The following TRHDE variants were observed in gnomAD, a reference collection of about 807,000 sequenced individuals.
TRHDE encodes thyrotropin-releasing hormone-degrading ectoenzyme.
TRHDE carries 72 observed loss-of-function variants against 125.7 expected under a neutral mutation model. The ratio of observed to expected loss-of-function variants is 0.57; its 90% CI spans 0.47 to 0.70. TRHDE has a LOEUF of 0.70. TRHDE is among the 30% of genes least tolerant of loss of function. The pLI, the probability that TRHDE is intolerant of heterozygous loss-of-function variation, is 0.00. For synonymous variants in TRHDE, 509 were observed against 509.1 expected (o/e 1.00, Z 0.00); for missense variants, 1,110 against 1,327.1 (o/e 0.84, Z 2.54).
At chr12:72,327,677 T>A (rs1300925000) in intron 2 of TRHDE, among the ~76,000 whole-genome samples, 1 of 152,144 alleles carries the variant, frequency 6.6e-6, no homozygotes, top group Non-Finnish European at 1.5e-5. Flanking sequence ...AGACGAACAC[T>A]TTTTTTCATT....
At chr12:72,580,073 A>C (rs979090499) in intron 12 of TRHDE, among the ~76,000 whole-genome samples, 1 of 152,194 alleles carries the variant, frequency 6.6e-6, no homozygotes, top group African/African-American at 2.4e-5. Flanking sequence ...GACAAACTCT[A>C]CTAAAAAATC....
At chr12:72,393,328 T>C (rs890145603) in intron 3 of TRHDE, among the ~76,000 whole-genome samples, 1 of 152,208 alleles carries the variant, frequency 6.6e-6, no homozygotes, top group Admixed American at 6.5e-5. Context: ...ATATTATTGA[T>C]AGAATGCTGG....
chr12:72,093,771 G>A (rs1473837053), intron 1 of TRHDE, among the ~76,000 whole-genome samples: 2 of 152,128 alleles, frequency 1.3e-5, no homozygotes, highest in Non-Finnish European at 2.9e-5. Context: ...CTTGCGTCTT[G>A]TTGAGCTTCT....
At chr12:72,585,417 C>A (rs1871397911) in intron 12 of TRHDE, among the ~76,000 whole-genome samples, 2 of 152,164 alleles carry the variant, frequency 1.3e-5, no homozygotes. Context: ...CCTACATTCA[C>A]AACACGTACT....
At chr12:72,176,965 T>C (rs890955141) in intron 2 of TRHDE, among the ~76,000 whole-genome samples, 2 of 152,136 alleles carry the variant, frequency 1.3e-5, no homozygotes, top group South Asian at 2.1e-4. Flanking sequence ...TGTTTTTTTT[T>C]CCCATTGGTA....
intron 5 of TRHDE, among the ~76,000 whole-genome samples, chr12:72,498,520 T>G (rs1395311286): frequency 6.6e-6 from 1 of 152,174 alleles, no homozygotes; most frequent in East Asian, 1.9e-4. Context: ...AGGTCACAAC[T>G]ATCTAGGGGC....
In TRHDE at chr12:72,666,580, G is replaced by C. The variant is rs1158453300; in HGVS notation, c.*3385G>C. ...ATAAAATAAAATCACAATGTTTGTT[G>C]TTATTTTGGGAACCAATATAACAAC... is the stretch of plus-strand genomic sequence containing the variant. On this transcript the variant is annotated 3_prime_UTR_variant, in exon 19 of 19. Transcript: ENST00000261180. 1 of 151,922 alleles carries C rather than the reference G, an allele frequency of 6.6e-6. No homozygotes were observed. The highest frequency in any genetic ancestry group is 2.4e-5 in the African/African-American group (1 of 41,402). 9.4% of individuals were successfully genotyped at this position (151,922 alleles called of 1,614,324 possible). A position where few individuals can be genotyped will look rare whatever the true frequency, so the allele number is the denominator to read the frequency against.
At chr12:72,136,285 C>A (rs2139311274) in intron 2 of TRHDE, among the ~76,000 whole-genome samples, 1 of 152,204 alleles carries the variant, frequency 6.6e-6, no homozygotes, top group Non-Finnish European at 1.5e-5. Context: ...AGCATAACAG[C>A]CTCTGAATTG....
chr12:72,166,666 CTAGGACTGGATGGGAAGTTTCA>C (rs1276479951), intron 2 of TRHDE, among the ~76,000 whole-genome samples: 2 of 152,100 alleles, frequency 1.3e-5, no homozygotes, highest in African/African-American at 2.4e-5. Context: ...TAACCCACAC[CTAGGACTGGATGGGAAGTTTCA>C]TATGACCTGA....
intron 3 of TRHDE, among the ~76,000 whole-genome samples, chr12:72,448,411 T>G (rs1400298364): frequency 6.6e-6 from 1 of 152,058 alleles, no homozygotes; most frequent in Non-Finnish European, 1.5e-5. Flanking sequence ...CAAATTTACT[T>G]CAACTGAAAA....
intron 5 of TRHDE, among the ~76,000 whole-genome samples, chr12:72,487,288 A>G (rs1877459644): frequency 6.6e-6 from 1 of 152,172 alleles, no homozygotes; most frequent in Non-Finnish European, 1.5e-5. Context: ...GTAGTCCCCA[A>G]ACAGTCGCCA....
Position 72,562,896 on chromosome 12 carries a change from T to C in TRHDE, c.1898T>C (p.Met633Thr). The C allele has an allele frequency of 6.3e-7, 1 of 1,597,046 alleles. No individual in the cohort carries two copies. The highest frequency in any genetic ancestry group is 8.5e-7 in the Non-Finnish European group (1 of 1,175,134). Residue 633 changes from methionine to threonine, a missense_variant, in exon 9 of 19, where the codon ATG becomes ACG. Met to Thr is a moderately conservative substitution (Grantham distance 81). Around this residue, in one of 5 missense-constraint regions of TRHDE, gnomAD observed 527 missense variants for 651.8 expected, o/e 0.81. Coordinates refer to ENST00000261180, the MANE Select transcript of TRHDE (RefSeq NM_013381.3). ...NGKYVNIQEV[M>T]DQWTLQMGYP... ...AAATATGTAAATATACAAGAAGTAA[T>C]GGATCAGTGGACACTCCAGATGGGT...
chr12:72,636,286 A>C (rs1431148477), intron 15 of TRHDE, among the ~76,000 whole-genome samples: 5 of 150,350 alleles, frequency 3.3e-5, no homozygotes, highest in Admixed American at 6.6e-5. Flanking sequence ...GAGTTCACTC[A>C]TGATTTGGCT....
At chr12:72,146,848 A>T (rs1371293355) in intron 2 of TRHDE, among the ~76,000 whole-genome samples, 1 of 152,212 alleles carries the variant, frequency 6.6e-6, no homozygotes. Context: ...ATTGGATCAC[A>T]CGTGGGCTGG....
chr12:72,211,865 G>A (rs2139362291), intron 2 of TRHDE, among the ~76,000 whole-genome samples: 1 of 152,198 alleles, frequency 6.6e-6, no homozygotes, highest in African/African-American at 2.4e-5. Flanking sequence ...ATTGTCACAA[G>A]TACTTGCTCT....
rs1346661370 is a variant in TRHDE at position 72,664,298 on chromosome 12, G to A, written c.*1103G>A. On this transcript the variant is annotated 3_prime_UTR_variant, in exon 19 of 19. Coordinates refer to ENST00000261180, the MANE Select transcript of TRHDE (RefSeq NM_013381.3). ...TTCCTACCTTATGCTGAGTAGTCCA[G>A]AGAGTTAAAAAAATTCTCTGCATGT... is the stretch of plus-strand genomic sequence containing the variant. The A allele has an allele frequency of 6.6e-6, 1 of 152,442 alleles. No homozygotes were observed. The highest frequency in any genetic ancestry group is 1.5e-5 in the Non-Finnish European group (1 of 67,988). The allele number at this position is 152,442 out of a possible 1,614,324, so 9.4% of individuals were successfully genotyped here.
rs539268107 is a variant in TRHDE, at chr12:72,669,488, T to A, written c.*6293T>A. The stretch of plus-strand genomic sequence containing the variant: ...AGAGTGAAACGTTTTATAGAAAATA[T>A]TACAGTGGAGTTAAGAACATCTGCC... On this transcript the variant is annotated 3_prime_UTR_variant, in exon 19 of 19. Transcript: ENST00000261180. 2 of 151,756 alleles carry A rather than the reference T, an allele frequency of 1.3e-5. No homozygotes were observed. The highest frequency in any genetic ancestry group is 4.8e-5 in the African/African-American group (2 of 41,394). 9.4% of individuals were successfully genotyped at this position (151,756 alleles called of 1,614,324 possible).
At chr12:72,305,058 T>C (rs1219485383) in intron 2 of TRHDE, among the ~76,000 whole-genome samples, 1 of 152,162 alleles carries the variant, frequency 6.6e-6, no homozygotes, top group Non-Finnish European at 1.5e-5. Context: ...TAACTTTTTC[T>C]ATTAGAATAC....
At chr12:72,608,927 T>TTCTTTCAAAAA (rs1872545109) in intron 12 of TRHDE, among the ~76,000 whole-genome samples, 3 of 152,140 alleles carry the variant, frequency 2.0e-5, no homozygotes, top group Non-Finnish European at 2.9e-5. Flanking sequence ...CTGGGGGGGT[T>TTCTTTCAAAAA]AGAAAACTTT....
Sources: gnomAD v4.1 joint callset for allele counts (sites outside exome capture counted in the v4.1 genomes callset) on GRCh38, gnomAD v4.1.1 for gene constraint, gnomAD v4.1.1 regional missense constraint, MANE v1.5 for transcripts, NCBI Gene and HGNC (gene_info 2026-07-23, HGNC 2026-07-21) for gene names.